The following RBCK1 variants were observed in gnomAD, a reference collection of about 807,000 sequenced individuals.
RBCK1 encodes the protein ranBP-type and C3HC4-type zinc finger-containing protein 1.
A neutral mutation model predicts 71.1 loss-of-function variants in RBCK1; 44 were observed. The observed-to-expected ratio is 0.62, with a 90% CI of 0.49 to 0.80. The LOEUF is 0.80. RBCK1 is among the 30% of genes least tolerant of loss of function. The pLI, the probability that RBCK1 is intolerant of heterozygous loss-of-function variation, is 0.00. For synonymous variants in RBCK1, 306 were observed against 279.7 expected (o/e 1.09, Z -0.94); for missense variants, 569 against 685.0 (o/e 0.83, Z 1.89).
In RBCK1 at chr20:416,710, C is replaced by G. The variant is rs139366921; in HGVS notation, c.168-816C>G. On this transcript the variant is annotated intron_variant, in intron 2 of 11. Coordinates refer to ENST00000356286, the MANE Select transcript of RBCK1 (RefSeq NM_031229.4). ...GAATAATACCATGTAGATTTAAATC[C>G]TGCCTCTGGCTGAACACAGTGGCTT... 9.7e-4 allele frequency among the ~76,000 whole-genome samples: 148 copies of G among 152,282 alleles called. No individual in the cohort carries two copies. The Middle Eastern group carries it at 0.024, about 24-fold the overall frequency.
In RBCK1 at chr20:427,432, G is replaced by C; in HGVS notation, c.1149G>C (p.Glu383Asp). The change falls in exon 9 of 12, where the codon GAG becomes GAC. Residue 383 changes from glutamate to aspartate, a missense_variant. Physicochemically the swap from Glu to Asp is conservative, Grantham distance 45 (BLOSUM62 2). Transcript: ENST00000356286. ...TPDCKGWCFFEDDVNEFTCPV... is the reference protein window; with the variant it reads ...TPDCKGWCFFDDDVNEFTCPV... ...ATTGCAAGGGATGGTGCTTCTTTGA[G>C]GATGATGTCAATGAGTTCACCTGCC... The C allele has an allele frequency of 6.2e-7, 1 of 1,614,144 alleles. No homozygotes were observed. Among genetic ancestry groups the C allele is most frequent in the Non-Finnish European group, 8.5e-7 (1 of 1,180,026 alleles).
At chr20:410,182 C>T (rs1484690383) in intron 2 of RBCK1, among the ~76,000 whole-genome samples, 157 bp downstream of exon 2, 1 of 152,236 alleles carries the variant, frequency 6.6e-6, no homozygotes, top group African/African-American at 2.4e-5. Context: ...GAGCAGGTCA[C>T]TTCACCTCTC....
intron 1 of RBCK1, 52 bp downstream of exon 1, chr20:408,831 G>T (rs535389968): frequency 6.3e-7 from 1 of 1,584,688 alleles, no homozygotes; most frequent in South Asian, 1.1e-5. Context: ...AGTGGGCCCC[G>T]CAGGACCTGG....
In RBCK1 at chr20:431,052, T is replaced by A. The variant is rs1234630280; in HGVS notation, c.*622T>A. On this transcript the variant is annotated 3_prime_UTR_variant, in exon 12 of 12. Coordinates refer to ENST00000356286, the MANE Select transcript of RBCK1 (RefSeq NM_031229.4). This position sits in a 1 kb window ranked among gnomAD's most constrained non-coding sequence, Gnocchi z 4.8. ...GCAGGATCCTGAGGTCTCTGGGAAC[T>A]GCATCAGAAAGTTGACTTGTCAGTC... 6.6e-6 allele frequency: 1 copy of A among 152,484 alleles called. No individual in the cohort carries two copies. Among genetic ancestry groups the A allele is most frequent in the South Asian group, 2.1e-4 (1 of 4,836 alleles). 9.4% of individuals were successfully genotyped at this position (152,484 alleles called of 1,614,324 possible).
At chr20:425,751 C>T (rs543264334) in intron 8 of RBCK1, among the ~76,000 whole-genome samples, 7 of 152,034 alleles carry the variant, frequency 4.6e-5, no homozygotes, top group South Asian at 4.2e-4. Flanking sequence ...CTCAGCCTCC[C>T]GAGTAGCTGG....
At chr20:425,422 C>T (rs542670138) in intron 8 of RBCK1, among the ~76,000 whole-genome samples, 16 of 152,328 alleles carry the variant, frequency 1.1e-4, no homozygotes, top group African/African-American at 3.8e-4. Context: ...CTCGTAACCA[C>T]CAACCACTGT....
At chr20:410,638 G>T in intron 2 of RBCK1, 1 of 751,640 alleles carries the variant, frequency 1.3e-6, no homozygotes, top group South Asian at 1.4e-5. Flanking sequence ...GGTTCGCTTG[G>T]TAAGGGAAGG....
At chr20:421,054 C>T (rs1161650979) in intron 7 of RBCK1, 23 bp downstream of exon 7, 4 of 1,520,312 alleles carry the variant, frequency 2.6e-6, no homozygotes, top group East Asian at 2.5e-5. Context: ...GTCCCACCCC[C>T]GGCAATGCAG....
intron 8 of RBCK1, among the ~76,000 whole-genome samples, chr20:426,751 A>C (rs899956132): frequency 4.7e-5 from 7 of 148,912 alleles, no homozygotes; most frequent in African/African-American, 1.7e-4. Flanking sequence ...CATCACCACC[A>C]TCCACCTCCA....
rs775784249 is a variant in RBCK1 at position 419,468 on chromosome 20, G to A, written c.582G>A (p.Pro194=). The change falls in exon 5 of 12, where the codon CCG becomes CCA. Residue 194 remains proline (P), a splice_region_variant and synonymous_variant. Coordinates refer to ENST00000356286, the MANE Select transcript of RBCK1 (RefSeq NM_031229.4). ...CAGATGCAGTGCCTGAGCCCCCACC[G>A]GTAAGCTGTCCTTGGCCTCAGTATC... The part of the protein sequence containing the change: ...GQPDAVPEPP[P]VGWQCPGCTF... 7 of 1,605,652 alleles carry A rather than the reference G, an allele frequency of 4.4e-6. 1 individual carries two copies. The highest frequency in any genetic ancestry group is 4.5e-5 in the East Asian group (2 of 44,856).
intron 8 of RBCK1, among the ~76,000 whole-genome samples, chr20:426,815 CCT>C (rs1491547993): frequency 5.4e-5 from 7 of 130,802 alleles, no homozygotes; most frequent in African/African-American, 1.9e-4. Context: ...CTTTTCTTTT[CCT>C]TTTTTTTTTT....
chr20:426,305 C>CT (rs1285335928), intron 8 of RBCK1, among the ~76,000 whole-genome samples: 1 of 146,448 alleles, frequency 6.8e-6, no homozygotes, highest in Non-Finnish European at 1.5e-5. Flanking sequence ...AGGTCTTACT[C>CT]TATTTTTTTG....
intron 1 of RBCK1, among the ~76,000 whole-genome samples, chr20:409,213 C>T (rs2015550157): frequency 6.6e-6 from 1 of 152,240 alleles, no homozygotes; most frequent in African/African-American, 2.4e-5. Flanking sequence ...GGGTGGCCCA[C>T]AGGATATCTG....
intron 1 of RBCK1, among the ~76,000 whole-genome samples, chr20:409,179 C>A (rs2015547397): frequency 6.6e-6 from 1 of 152,242 alleles, no homozygotes; most frequent in Admixed American, 6.5e-5. Context: ...CCTCTGTGTT[C>A]TCCAAACAAA....
chr20:409,717 C>G, intron 1 of RBCK1, 164 bp from the exon 2 acceptor site: 9 of 1,098,078 alleles, frequency 8.2e-6, no homozygotes, highest in Non-Finnish European at 1.2e-5. Flanking sequence ...GAACCCCTCC[C>G]GGAGAAAGGG....
In RBCK1 at chr20:430,200, T is replaced by C; in HGVS notation, c.1453-150T>C. On this transcript the variant is annotated intron_variant, in intron 11 of 11. Transcript: ENST00000356286. This position sits in a 1 kb window ranked among gnomAD's most constrained non-coding sequence, Gnocchi z 5.6. ...GTGCTGTGGGAGCCCAGAAAAGGCCTCAGTGACTCTCCATCAGGTAGCTGA... is the reference window on the plus strand; with the variant it reads ...GTGCTGTGGGAGCCCAGAAAAGGCCCCAGTGACTCTCCATCAGGTAGCTGA... 3 of 663,416 alleles carry C rather than the reference T, an allele frequency of 4.5e-6. No individual in the cohort carries two copies. Among genetic ancestry groups the C allele is most frequent in the Non-Finnish European group, 7.8e-6 (3 of 384,954 alleles). The allele number at this position is 663,416 out of a possible 1,614,324, so 41.1% of individuals were successfully genotyped here. A position where few individuals can be genotyped will look rare whatever the true frequency, so the allele number is the denominator to read the frequency against.
chr20:429,755 T>G (rs2016924100), intron 11 of RBCK1, among the ~76,000 whole-genome samples: 1 of 152,168 alleles, frequency 6.6e-6, no homozygotes, highest in South Asian at 2.1e-4. Flanking sequence ...GTTTGCCCAC[T>G]CCTGCCCTAG....
Position 429,072 on chromosome 20 carries a change from A to G in RBCK1, c.1430A>G (p.Lys477Arg), listed in dbSNP as rs552353906. ...VCHTEICWVTKGPRWGPGGPG... is the reference protein window; with the variant it reads ...VCHTEICWVTRGPRWGPGGPG... ...CACACCGAGATCTGCTGGGTCACCAAGGGCCCACGCTGGGGCCCTGGGGTG... is the reference window on the plus strand; with the variant it reads ...CACACCGAGATCTGCTGGGTCACCAGGGGCCCACGCTGGGGCCCTGGGGTG... Residue 477 changes from lysine to arginine, a missense_variant, in exon 11 of 12, where the codon AAG (lysine) becomes AGG (arginine). By Grantham distance (26) the Lys-to-Arg change is conservative. Transcript: ENST00000356286. 5.0e-6 allele frequency: 8 copies of G among 1,612,926 alleles called. No individual in the cohort carries two copies. The Admixed American group carries it at 1.2e-4, about 24-fold the overall frequency.
chr20:418,522 CCA>C, intron 4 of RBCK1, among the ~76,000 whole-genome samples: 1 of 152,156 alleles, frequency 6.6e-6, no homozygotes, highest in East Asian at 1.9e-4. Flanking sequence ...GCGCCCGCCA[CCA>C]CGCCCGGCTA....
Sources: allele counts gnomAD v4.1 joint callset (sites outside exome capture counted in the v4.1 genomes callset), GRCh38; gene constraint gnomAD v4.1.1; non-coding constraint Gnocchi (gnomAD v3.1); transcripts MANE v1.5; gene names NCBI Gene and HGNC (gene_info 2026-07-23, HGNC 2026-07-21).